Variants in OPCML observed in about 807,000 individuals in gnomAD.
OPCML encodes the protein opioid binding protein/cell adhesion molecule like, also known as opioid-binding protein/cell adhesion molecule.
Under a neutral mutation model 37.8 loss-of-function variants are expected in OPCML, and 13 were observed. The ratio of observed to expected loss-of-function variants is 0.34; its 90% CI spans 0.22 to 0.55. The LOEUF is 0.55. Among genes scored for constraint, OPCML ranks in the 20% least tolerant of loss-of-function variants. The pLI is 0.91. For missense variants in OPCML, 341 were observed against 435.6 expected (o/e 0.78, Z 1.93); for synonymous variants, 176 against 168.8 (o/e 1.04, Z -0.33).
chr11:132,850,348 G>A (rs1941749122), intron 2 of OPCML, among the ~76,000 whole-genome samples: 1 of 152,066 alleles, frequency 6.6e-6, no homozygotes, highest in African/African-American at 2.4e-5. Flanking sequence ...ATCCCCCTTT[G>A]CCCATTAAAA....
At chr11:132,676,001 G>T (rs1942686143) in intron 2 of OPCML, among the ~76,000 whole-genome samples, 1 of 152,076 alleles carries the variant, frequency 6.6e-6, no homozygotes, top group Non-Finnish European at 1.5e-5. Flanking sequence ...TGTAAAAGGA[G>T]AAAAAAGTTG....
chr11:132,975,179 G>A (rs1032951877), intron 1 of OPCML, among the ~76,000 whole-genome samples: 6 of 151,610 alleles, frequency 4.0e-5, no homozygotes, highest in Non-Finnish European at 8.8e-5. Context: ...ATTGCAGTAG[G>A]ATAATAAATA....
intron 4 of OPCML, among the ~76,000 whole-genome samples, chr11:132,493,844 G>A (rs960926088): frequency 6.6e-6 from 1 of 152,248 alleles, no homozygotes; most frequent in Non-Finnish European, 1.5e-5. Flanking sequence ...AGGCATAGGA[G>A]CTTGTTTATC....
chr11:132,513,447 G>A (rs2096273264), intron 4 of OPCML, among the ~76,000 whole-genome samples: 1 of 152,074 alleles, frequency 6.6e-6, no homozygotes, highest in South Asian at 2.1e-4. Context: ...TTTCTTAGCG[G>A]GTGTGATCAA....
chr11:133,440,508 A>T (rs998225024), intron 1 of OPCML, among the ~76,000 whole-genome samples: 1 of 151,514 alleles, frequency 6.6e-6, no homozygotes, highest in African/African-American at 2.4e-5. Flanking sequence ...GGGTGGATCA[A>T]CTGAGGTCAA....
At chr11:132,865,897 C>T (rs1942527555) in intron 2 of OPCML, among the ~76,000 whole-genome samples, 2 of 152,200 alleles carry the variant, frequency 1.3e-5, no homozygotes, top group South Asian at 2.1e-4. Flanking sequence ...GTTTCTACCA[C>T]TTCCTGAGAG....
chr11:133,071,725 C>T (rs1359047620), intron 1 of OPCML, among the ~76,000 whole-genome samples: 1 of 152,064 alleles, frequency 6.6e-6, no homozygotes, highest in Non-Finnish European at 1.5e-5. Flanking sequence ...AGTTTTAGGC[C>T]CTTTTATAGT....
intron 1 of OPCML, among the ~76,000 whole-genome samples, chr11:133,069,880 C>T (rs891851830): frequency 3.9e-5 from 6 of 152,128 alleles, no homozygotes; most frequent in Non-Finnish European, 8.8e-5. Context: ...ATGAACGATT[C>T]TGGCACCATC....
Position 132,418,398 on chromosome 11 carries a change from G to T in OPCML, c.*1795C>A, listed in dbSNP as rs912972146. On this transcript the variant is annotated 3_prime_UTR_variant, in exon 8 of 8. Coordinates refer to ENST00000524381, the MANE Select transcript of OPCML (RefSeq NM_001012393.5). ...CCCAGGAGACAAGACAGCAAAGGTGGCTCAGCTCTTGTTTGTATGCTGGGT... is the reference window on the plus strand; with the variant it reads ...CCCAGGAGACAAGACAGCAAAGGTGTCTCAGCTCTTGTTTGTATGCTGGGT... The T allele has an allele frequency of 1.8e-4, 27 of 152,400 alleles. No homozygotes were observed. The highest frequency in any genetic ancestry group is 5.8e-4 in the African/African-American group (24 of 41,440). 9.4% of individuals were successfully genotyped at this position (152,400 alleles called of 1,614,324 possible).
chr11:132,461,312 C>T (rs556255513), intron 4 of OPCML, among the ~76,000 whole-genome samples: 1 of 152,078 alleles, frequency 6.6e-6, no homozygotes, highest in South Asian at 2.1e-4. Flanking sequence ...CTGAGTTGAC[C>T]ACCAATGGCC....
intron 2 of OPCML, among the ~76,000 whole-genome samples, chr11:132,816,491 CTTT>C (rs973895944): frequency 1.3e-5 from 2 of 152,014 alleles, no homozygotes; most frequent in Non-Finnish European, 2.9e-5. Context: ...ATTTAAAATG[CTTT>C]TTTAAGTACA....
intron 4 of OPCML, among the ~76,000 whole-genome samples, chr11:132,457,018 G>A (rs978273850): frequency 3.9e-5 from 6 of 152,148 alleles, no homozygotes; most frequent in South Asian, 4.1e-4. Flanking sequence ...GAGGGATGCC[G>A]CAGAGGCAAG....
At chr11:133,466,391 A>G (rs1422864417) in intron 1 of OPCML, among the ~76,000 whole-genome samples, 1 of 152,182 alleles carries the variant, frequency 6.6e-6, no homozygotes, top group Non-Finnish European at 1.5e-5. Context: ...AGGCAAACTC[A>G]TTGTTGTTAT....
At chr11:132,480,263 A>G (rs1485860304) in intron 4 of OPCML, among the ~76,000 whole-genome samples, 1 of 152,216 alleles carries the variant, frequency 6.6e-6, no homozygotes, top group Non-Finnish European at 1.5e-5. Context: ...GGTAGAAAGG[A>G]TATCAGTGAT....
chr11:133,170,473 G>A (rs546456823), intron 1 of OPCML, among the ~76,000 whole-genome samples: 8 of 152,170 alleles, frequency 5.3e-5, no homozygotes, highest in South Asian at 4.1e-4. Flanking sequence ...GCGACAGAGC[G>A]AGACTCCGTC....
chr11:133,304,762 A>G, intron 1 of OPCML, among the ~76,000 whole-genome samples: 1 of 152,136 alleles, frequency 6.6e-6, no homozygotes. Context: ...TAAACAACTA[A>G]TGCCCAGTAT....
At chr11:132,692,169 G>C (rs1943428506) in intron 2 of OPCML, among the ~76,000 whole-genome samples, 1 of 151,838 alleles carries the variant, frequency 6.6e-6, no homozygotes, top group Admixed American at 6.6e-5. Flanking sequence ...TCAAGAACCT[G>C]AAGTTCAATA....
At chr11:133,129,082 G>A (rs1949564298) in intron 1 of OPCML, among the ~76,000 whole-genome samples, 1 of 152,176 alleles carries the variant, frequency 6.6e-6, no homozygotes, top group South Asian at 2.1e-4. Context: ...ACAGGGGAAG[G>A]GGAAACAGGT....
In OPCML at chr11:133,125,569, A is replaced by T. The variant is rs566852457; in HGVS notation, c.62-182559T>A. On this transcript the variant is annotated intron_variant, in intron 1 of 7. Transcript: ENST00000524381. ...AACTAATAGGATATATATATATATA[A>T]AAAATATAGACACATGTATATATAT... 2.6e-3 allele frequency among the ~76,000 whole-genome samples: 382 copies of T among 148,410 alleles called. 2 individuals carry two copies. Among genetic ancestry groups the T allele is most frequent in the Middle Eastern group, 0.014 (4 of 276 alleles).
Sources: allele counts gnomAD v4.1 joint callset (sites outside exome capture counted in the v4.1 genomes callset), GRCh38; gene constraint gnomAD v4.1.1; transcripts MANE v1.5; gene names NCBI Gene and HGNC (gene_info 2026-07-23, HGNC 2026-07-21).